Variants in DDX46 observed in about 807,000 individuals in gnomAD.
The protein encoded by DDX46 is DEAD-box helicase 46.
In DDX46, 30 loss-of-function variants were observed where a neutral mutation model predicts 134.9. That is an observed-to-expected ratio of 0.22 (90% CI 0.17 to 0.30). DDX46 has a LOEUF of 0.30. Ranked by LOEUF, DDX46 falls within the 10% of genes least tolerant of loss-of-function variation. The pLI, the probability that DDX46 is intolerant of heterozygous loss-of-function variation, is 1.00. For missense variants in DDX46, 622 were observed against 1,248.7 expected (o/e 0.50, Z 7.56); for synonymous variants, 415 against 404.1 (o/e 1.03, Z -0.32).
chr5:134,766,369 C>G (rs1468547299), intron 2 of DDX46, among the ~76,000 whole-genome samples: 2 of 151,028 alleles, frequency 1.3e-5, no homozygotes, highest in African/African-American at 4.9e-5. Context: ...ACCAGCCTGA[C>G]CAACATGGAG....
In DDX46 at chr5:134,807,958, T is replaced by C; in HGVS notation, c.2148+17T>C. ...GGAAACAAGGTAAAAATAAGTTTTTTATAGTTGATCTTCATTATATTAAAA... is the reference window on the plus strand; with the variant it reads ...GGAAACAAGGTAAAAATAAGTTTTTCATAGTTGATCTTCATTATATTAAAA... On this transcript the variant is annotated intron_variant, in intron 16 of 22. Coordinates refer to ENST00000452510, the MANE Select transcript of DDX46 (RefSeq NM_001300860.2). 5 of 1,581,210 alleles carry C rather than the reference T, an allele frequency of 3.2e-6. No homozygotes were observed. Among genetic ancestry groups the C allele is most frequent in the Non-Finnish European group, 4.3e-6 (5 of 1,162,034 alleles).
chr5:134,819,009 G>A lies in DDX46; in HGVS notation c.2977+5G>A. ...AGATTTACTTGGCAATTGAAAGTAT[G>A]TACTGTTAGTTCTGTTTCAATCTTG... On this transcript the variant is annotated splice_donor_5th_base_variant and intron_variant, in intron 21 of 22. Transcript: ENST00000452510. 6.2e-7 allele frequency: 1 copy of A among 1,613,052 alleles called. No individual in the cohort carries two copies. The highest frequency in any genetic ancestry group is 8.5e-7 in the Non-Finnish European group (1 of 1,179,532).
intron 13 of DDX46, among the ~76,000 whole-genome samples, chr5:134,790,992 C>CTTGTGTA (rs1754485174): frequency 6.6e-6 from 1 of 151,422 alleles, no homozygotes; most frequent in African/African-American, 2.4e-5. Context: ...GCCCGGTTAA[C>CTTGTGTA]TTTTTAATAG....
chr5:134,828,950 A>G lies in DDX46; in HGVS notation c.*244A>G, dbSNP rs1011379052. On this transcript the variant is annotated 3_prime_UTR_variant, in exon 23 of 23. Coordinates refer to ENST00000452510, the MANE Select transcript of DDX46 (RefSeq NM_001300860.2). Reference sequence around the variant, plus strand: ...TCCTTTAATGTAAACTCAAATATCAATATTTTAAATGTCCGGATAATATTC... The same window carrying G: ...TCCTTTAATGTAAACTCAAATATCAGTATTTTAAATGTCCGGATAATATTC... 1.6e-5 allele frequency: 5 copies of G among 312,314 alleles called. No homozygotes were observed. Among genetic ancestry groups the G allele is most frequent in the Admixed American group, 5.0e-5 (1 of 20,124 alleles). 19.3% of individuals were successfully genotyped at this position (312,314 alleles called of 1,614,324 possible).
intron 6 of DDX46, among the ~76,000 whole-genome samples, chr5:134,780,064 G>A: frequency 6.7e-6 from 1 of 149,784 alleles, no homozygotes; most frequent in Non-Finnish European, 1.5e-5. Context: ...CTCTAGCCTG[G>A]GTGACAGAAT....
chr5:134,783,550 C>CTT (rs1175468795), intron 9 of DDX46, among the ~76,000 whole-genome samples: 2 of 125,792 alleles, frequency 1.6e-5, no homozygotes, highest in Non-Finnish European at 3.2e-5. Flanking sequence ...CATGCCCGGC[C>CTT]TTTTTTTTTT....
intron 16 of DDX46, 27 bp downstream of exon 16, chr5:134,807,968 C>T: frequency 1.9e-6 from 3 of 1,564,216 alleles, no homozygotes; most frequent in South Asian, 1.2e-5. Context: ...TATAGTTGAT[C>T]TTCATTATAT....
chr5:134,805,177 T>TC, intron 15 of DDX46: 1 of 174,480 alleles, frequency 5.7e-6, no homozygotes, highest in Non-Finnish European at 1.2e-5. Context: ...AACTGTATTT[T>TC]TTTTTTTTTT....
At chr5:134,769,201 C>G (rs1303855495) in intron 3 of DDX46, among the ~76,000 whole-genome samples, 1 of 151,946 alleles carries the variant, frequency 6.6e-6, no homozygotes, top group Admixed American at 6.6e-5. Flanking sequence ...TTTAACTATC[C>G]TACCTATAAA....
chr5:134,777,844 C>T, intron 6 of DDX46, 119 bp downstream of exon 6: 1 of 1,217,364 alleles, frequency 8.2e-7, no homozygotes, highest in Non-Finnish European at 1.1e-6. Context: ...TTCTCCTCAT[C>T]TGAGAGATGG....
At chr5:134,813,397 G>A (rs893104938) in intron 18 of DDX46, among the ~76,000 whole-genome samples, 7 of 152,198 alleles carry the variant, frequency 4.6e-5, no homozygotes, top group African/African-American at 1.7e-4. Flanking sequence ...TGAGATTGCA[G>A]TCATCTGCAG....
At chr5:134,767,302 T>C (rs1753605845) in intron 3 of DDX46, among the ~76,000 whole-genome samples, 1 of 152,172 alleles carries the variant, frequency 6.6e-6, no homozygotes, top group South Asian at 2.1e-4. Context: ...TACATAACTG[T>C]CAATCAGAAA....
At position 134,758,917 on chromosome 5, in the gene DDX46, C is replaced by G. The variant is rs1753287506; in HGVS notation, c.-22C>G. On this transcript the variant is annotated 5_prime_UTR_variant, in exon 1 of 23. Transcript: ENST00000452510. ...GCCTGTGCGTGGTACTCAAGGGCAC[C>G]AGTATTCCCGCGGTCGGCAGCATGG... The G allele has an allele frequency of 6.2e-7, 1 of 1,613,480 alleles. No homozygotes were observed.
chr5:134,818,762 C>A, intron 20 of DDX46, 98 bp from the exon 21 acceptor site: 2 of 959,690 alleles, frequency 2.1e-6, no homozygotes, highest in Non-Finnish European at 1.5e-6. Context: ...GAGAGACCAA[C>A]CATAATATGA....
intron 9 of DDX46, 150 bp downstream of exon 9, chr5:134,783,215 A>G (rs1754210558): frequency 1.8e-6 from 2 of 1,139,976 alleles, no homozygotes; most frequent in African/African-American, 1.6e-5. Context: ...ATCAAAATTT[A>G]CCCTTTAAAT....
intron 3 of DDX46, 62 bp downstream of exon 3, chr5:134,767,122 CTT>C (rs74273274): frequency 2.4e-3 from 2,803 of 1,184,364 alleles, no homozygotes; most frequent in South Asian, 5.7e-3. Context: ...TTCTCTGCGC[CTT>C]TTTTTTTTTT....
chr5:134,785,830 A>G (rs1406350509), intron 11 of DDX46, among the ~76,000 whole-genome samples: 2 of 151,868 alleles, frequency 1.3e-5, no homozygotes, highest in Non-Finnish European at 2.9e-5. Context: ...TCGCTAAGCC[A>G]GTAGATCTCA....
intron 19 of DDX46, 38 bp downstream of exon 19, chr5:134,816,644 A>C: frequency 6.3e-7 from 1 of 1,586,252 alleles, no homozygotes; most frequent in Non-Finnish European, 8.6e-7. Flanking sequence ...AATACTTTTA[A>C]GAAGTTCTTT....
chr5:134,786,468 G>A (rs1278099380), intron 11 of DDX46, among the ~76,000 whole-genome samples: 1 of 151,958 alleles, frequency 6.6e-6, no homozygotes, highest in Non-Finnish European at 1.5e-5. Flanking sequence ...GACCAATTAG[G>A]TTAATACGTT....
Sources: allele counts gnomAD v4.1 joint callset (sites outside exome capture counted in the v4.1 genomes callset), GRCh38; gene constraint gnomAD v4.1.1; transcripts MANE v1.5; gene names NCBI Gene and HGNC (gene_info 2026-07-23, HGNC 2026-07-21).